FYTTD1: variants seen among roughly 807,000 people sequenced by gnomAD.
The protein encoded by FYTTD1 is UAP56-interacting factor.
FYTTD1 carries 22 observed loss-of-function variants against 40.9 expected under a neutral mutation model. The observed-to-expected ratio is 0.54, with a 90% CI of 0.38 to 0.77. FYTTD1 has a LOEUF of 0.77. FYTTD1 is among the 30% of genes least tolerant of loss of function. The pLI, the probability that FYTTD1 is intolerant of heterozygous loss-of-function variation, is 0.00. For missense variants in FYTTD1, 351 were observed against 392.2 expected (o/e 0.90, Z 0.89); for synonymous variants, 140 against 137.9 (o/e 1.01, Z -0.10).
rs573251661 is a variant in FYTTD1, at chr3:197,774,695, C to T, written c.656+485C>T. ...GTGCATACCATCCTGAGCAGCATAGCTCGATCGCCAGTGCACACCAGCCTG... is the reference window on the plus strand; with the variant it reads ...GTGCATACCATCCTGAGCAGCATAGTTCGATCGCCAGTGCACACCAGCCTG... On this transcript the variant is annotated intron_variant, in intron 6 of 8. Coordinates refer to ENST00000241502, the MANE Select transcript of FYTTD1 (RefSeq NM_032288.7). Among the ~76,000 whole-genome samples the T allele has an allele frequency of 1.4e-4, 21 of 150,888 alleles. 1 individual carries two copies. In the South Asian group the frequency reaches 4.4e-3, roughly 32 times the overall value.
chr3:197,774,518 G>T (rs1257856454), intron 6 of FYTTD1, among the ~76,000 whole-genome samples: 1 of 150,082 alleles, frequency 6.7e-6, no homozygotes, highest in Non-Finnish European at 1.5e-5. Flanking sequence ...AGCATAACTT[G>T]ATTGCCACTG....
chr3:197,749,920 G>T lies in FYTTD1; in HGVS notation c.-52G>T, dbSNP rs572117288. ...TGCGTGCGCGAGTGGGAGGTGGCAG[G>T]CCTGCGACTCCGGCCTTGTCCGCGC... On this transcript the variant is annotated 5_prime_UTR_variant, in exon 1 of 9. Transcript: ENST00000241502. 1.1e-5 allele frequency: 13 copies of T among 1,228,714 alleles called. 1 individual carries two copies. In the South Asian group the frequency reaches 1.8e-4, roughly 17 times the overall value. The allele number at this position is 1,228,714 out of a possible 1,614,324, so 76.1% of individuals were successfully genotyped here.
chr3:197,764,860 T>TGG (rs575322156), intron 2 of FYTTD1, among the ~76,000 whole-genome samples: 96 of 149,058 alleles, frequency 6.4e-4, no homozygotes, highest in African/African-American at 2.4e-3. Flanking sequence ...TTTTTTTTTT[T>TGG]GGGGGGGGAG....
intron 1 of FYTTD1, among the ~76,000 whole-genome samples, chr3:197,754,629 A>C (rs916110877): frequency 2.0e-5 from 3 of 149,674 alleles, no homozygotes; most frequent in African/African-American, 7.4e-5. Flanking sequence ...TGGAATTAGG[A>C]CTATGGAGGA....
chr3:197,769,860 C>T (rs1366418798), intron 3 of FYTTD1, among the ~76,000 whole-genome samples: 1 of 150,088 alleles, frequency 6.7e-6, no homozygotes, highest in African/African-American at 2.5e-5. Context: ...TTTTAAATAT[C>T]TCTGGCTCTC....
At position 197,774,031 on chromosome 3, in the gene FYTTD1, C is replaced by G. The variant is rs1560499435; in HGVS notation, c.595-118C>G. On this transcript the variant is annotated intron_variant, in intron 5 of 8. Transcript: ENST00000241502. ...TTAGGAAGTTGTAGAATAGCGCAGG[C>G]ACCTCCGCTGCACTCATGTACACGC... The G allele has an allele frequency of 6.2e-6, 5 of 806,276 alleles. 1 individual carries two copies. In the Admixed American group the frequency reaches 6.3e-5, roughly 10 times the overall value. 49.9% of individuals were successfully genotyped at this position (806,276 alleles called of 1,614,324 possible).
At position 197,749,911 on chromosome 3, in the gene FYTTD1, A is replaced by T. The variant is rs1728940500; in HGVS notation, c.-61A>T. ...GCGGCGGGCTGCGTGCGCGAGTGGG[A>T]GGTGGCAGGCCTGCGACTCCGGCCT... On this transcript the variant is annotated 5_prime_UTR_variant, in exon 1 of 9. Transcript: ENST00000241502. The T allele has an allele frequency of 9.4e-7, 1 of 1,064,642 alleles. No individual in the cohort carries two copies. Among genetic ancestry groups the T allele is most frequent in the African/African-American group, 1.7e-5 (1 of 60,048 alleles). The allele number at this position is 1,064,642 out of a possible 1,614,324, so 65.9% of individuals were successfully genotyped here.
chr3:197,754,937 T>C (rs761912814), intron 1 of FYTTD1, among the ~76,000 whole-genome samples: 11 of 152,206 alleles, frequency 7.2e-5, no homozygotes, highest in Non-Finnish European at 1.6e-4. Flanking sequence ...AGTGCTGAGG[T>C]TACAGGCATG....
intron 4 of FYTTD1, among the ~76,000 whole-genome samples, chr3:197,770,936 A>T (rs922026855): frequency 6.6e-5 from 10 of 151,324 alleles, no homozygotes; most frequent in Non-Finnish European, 8.8e-5. Context: ...GATGGCTCTT[A>T]CTAGAACACT....
intron 1 of FYTTD1, among the ~76,000 whole-genome samples, chr3:197,754,949 G>A (rs548331936): frequency 6.6e-6 from 1 of 152,182 alleles, no homozygotes; most frequent in Non-Finnish European, 1.5e-5. Context: ...ACAGGCATGT[G>A]CCCAGCTGGA....
At chr3:197,751,371 T>C (rs926822071) in intron 1 of FYTTD1, among the ~76,000 whole-genome samples, 2 of 152,334 alleles carry the variant, frequency 1.3e-5, no homozygotes, top group African/African-American at 4.8e-5. Flanking sequence ...CTGGGCGCGG[T>C]GGCTCACGCC....
Position 197,750,555 on chromosome 3 carries a change from C to A in FYTTD1, c.103+481C>A, listed in dbSNP as rs535539942. 261 of 985,448 alleles carry A rather than the reference C, an allele frequency of 2.6e-4. 1 individual carries two copies. The Middle Eastern group carries it at 3.7e-3, about 14-fold the overall frequency. The allele number at this position is 985,448 out of a possible 1,614,324, so 61.0% of individuals were successfully genotyped here. On this transcript the variant is annotated intron_variant, in intron 1 of 8. Transcript: ENST00000241502. ...CCGGGGCTGCGGTCGGTTAAACCAG[C>A]GCTTCCGGAGCTTTCCCTGGTCGCC...
chr3:197,767,702 C>T (rs1729592979), intron 2 of FYTTD1, among the ~76,000 whole-genome samples: 1 of 152,058 alleles, frequency 6.6e-6, no homozygotes, highest in Non-Finnish European at 1.5e-5. Context: ...GATCTTCTTC[C>T]CTTGGCCTCC....
chr3:197,755,730 C>A, intron 1 of FYTTD1: 3 of 1,392,858 alleles, frequency 2.2e-6, no homozygotes, highest in South Asian at 1.3e-5. Flanking sequence ...TCAAATGATC[C>A]GCCCACCTCA....
Position 197,756,532 on chromosome 3 carries a change from G to A in FYTTD1, c.210G>A (p.Val70=). Reference sequence around the variant, plus strand: ...GTGCCCAGCAATTCAGGATGAGAGTGCGATGGGGAATCCAACAGAATTCTG... The same window carrying A: ...GTGCCCAGCAATTCAGGATGAGAGTACGATGGGGAATCCAACAGAATTCTG... ...QSGAQQFRMR[V]RWGIQQNSGF... The change falls in exon 2 of 9, where the codon GTG becomes GTA. Residue 70 remains valine, a synonymous_variant. Transcript: ENST00000241502. 6.2e-7 allele frequency: 1 copy of A among 1,613,846 alleles called. No homozygotes were observed. Among genetic ancestry groups the A allele is most frequent in the Non-Finnish European group, 8.5e-7 (1 of 1,179,736 alleles).
intron 7 of FYTTD1, 91 bp downstream of exon 7, chr3:197,777,092 C>A: frequency 1.3e-6 from 1 of 774,154 alleles, no homozygotes; most frequent in East Asian, 2.6e-5. Context: ...AGAATGATGT[C>A]CAAGTTGGGA....
intron 4 of FYTTD1, among the ~76,000 whole-genome samples, 189 bp from the exon 5 acceptor site, chr3:197,773,214 A>G (rs1017725807): frequency 4.6e-5 from 7 of 152,230 alleles, no homozygotes; most frequent in African/African-American, 1.2e-4. Context: ...GTTATGTGCT[A>G]TGCTTCGGAG....
chr3:197,779,890 G>C (rs1227422647), intron 8 of FYTTD1, among the ~76,000 whole-genome samples: 1 of 147,424 alleles, frequency 6.8e-6, no homozygotes, highest in Non-Finnish European at 1.5e-5. Flanking sequence ...GCCACACCTG[G>C]GGATACAGGC....
intron 2 of FYTTD1, among the ~76,000 whole-genome samples, chr3:197,765,189 A>T (rs1361735988): frequency 6.6e-6 from 1 of 152,074 alleles, no homozygotes; most frequent in African/African-American, 2.4e-5. Flanking sequence ...AATCCATTTG[A>T]TTCCTATTTA....
Sources: gnomAD v4.1 joint callset for allele counts (sites outside exome capture counted in the v4.1 genomes callset) on GRCh38, gnomAD v4.1.1 for gene constraint, MANE v1.5 for transcripts, NCBI Gene and HGNC (gene_info 2026-07-23, HGNC 2026-07-21) for gene names.